Variants in BCL2L11 observed in about 807,000 individuals in gnomAD.
BCL2L11 encodes the protein BCL2 like 11, also known as bcl-2-like protein 11.
In BCL2L11, 15 loss-of-function variants were observed where a neutral mutation model predicts 20.6. That is an observed-to-expected ratio of 0.73 (90% CI 0.49 to 1.12). The LOEUF (loss-of-function observed/expected upper bound fraction) is 1.12, where lower values mean the gene tolerates loss of function less well. Among genes scored for constraint, BCL2L11 ranks in the 50% most tolerant of loss-of-function variants. The pLI, the probability that BCL2L11 is intolerant of heterozygous loss-of-function variation, is 0.00. For missense variants in BCL2L11, 292 were observed against 260.9 expected, an observed-to-expected ratio of 1.12 and a Z score of -0.82; for synonymous variants, 108 against 92.8, an observed-to-expected ratio of 1.16 and a Z score of -0.94.
At chr2:111,121,780 G>A (rs528406346) in intron 1 of BCL2L11, among the ~76,000 whole-genome samples, 9 of 152,236 alleles carry the variant, frequency 5.9e-5, no homozygotes, top group Non-Finnish European at 1.3e-4. Flanking sequence ...TGGGGCCCCT[G>A]CTTGCTCTGC....
intron 3 of BCL2L11, chr2:111,161,321 GT>G (rs2078518670): frequency 7.0e-7 from 1 of 1,429,760 alleles, no homozygotes; most frequent in East Asian, 2.5e-5. Context: ...TATTTTAATA[GT>G]TTTTTAAAAA....
At chr2:111,137,687 G>A (rs2075146366) in intron 2 of BCL2L11, among the ~76,000 whole-genome samples, 1 of 151,068 alleles carries the variant, frequency 6.6e-6, no homozygotes. Context: ...TATGCAAGGG[G>A]GTTCATCACA....
At chr2:111,142,389 A>G in intron 2 of BCL2L11, 1 of 1,550,114 alleles carries the variant, frequency 6.5e-7, no homozygotes. Context: ...TAGCAAAATC[A>G]AGGTGAAAAG....
intron 2 of BCL2L11, among the ~76,000 whole-genome samples, chr2:111,147,923 C>G (rs1230678935): frequency 8.5e-5 from 13 of 152,150 alleles, no homozygotes; most frequent in Non-Finnish European, 1.0e-4. Context: ...AGGGCATGGC[C>G]TCCTTTGTTG....
intron 2 of BCL2L11, among the ~76,000 whole-genome samples, chr2:111,129,519 C>T (rs1275781581): frequency 6.6e-6 from 1 of 152,170 alleles, no homozygotes; most frequent in Non-Finnish European, 1.5e-5. Context: ...GCCATTCACC[C>T]AGTTTCCTAC....
intron 3 of BCL2L11, chr2:111,161,646 AC>A: frequency 1.5e-6 from 2 of 1,333,452 alleles, no homozygotes; most frequent in Non-Finnish European, 2.0e-6. Flanking sequence ...CTTGCCTTTA[AC>A]TGGCAACTCC....
rs1455048584 is a variant in BCL2L11 at position 111,121,043 on chromosome 2, C to A, written c.-159C>A. On this transcript the variant is annotated 5_prime_UTR_variant, in exon 1 of 4. Transcript: ENST00000393256. ...CGCCACTACCACCACTTGATTCTTG[C>A]AGCCACCCTGCGAACCCTGCCACAC... is the stretch of plus-strand genomic sequence containing the variant. 1 of 374,568 alleles carries A rather than the reference C, an allele frequency of 2.7e-6. No homozygotes were observed. Among genetic ancestry groups the A allele is most frequent in the Non-Finnish European group, 4.8e-6 (1 of 210,234 alleles). 23.2% of individuals were successfully genotyped at this position (374,568 alleles called of 1,614,324 possible). A position where few individuals can be genotyped will look rare whatever the true frequency, so the allele number is the denominator to read the frequency against.
At chr2:111,145,822 A>C (rs1191482289) in intron 2 of BCL2L11, 1 of 253,228 alleles carries the variant, frequency 3.9e-6, no homozygotes, top group East Asian at 1.8e-4. Context: ...GCTTCAAAAA[A>C]TGATTTCTAA....
At chr2:111,131,267 T>C (rs1033912089) in intron 2 of BCL2L11, 6 of 151,148 alleles carry the variant, frequency 4.0e-5, no homozygotes, top group Non-Finnish European at 7.4e-5. Flanking sequence ...ATTTAGATTA[T>C]AGATTTTTTT....
chr2:111,122,677 G>C (rs2071371668), intron 1 of BCL2L11: 1 of 982,878 alleles, frequency 1.0e-6, no homozygotes. Context: ...GCTGCGGCCG[G>C]GGCAGCGCGG....
intron 3 of BCL2L11, chr2:111,151,981 G>C: frequency 8.5e-7 from 1 of 1,182,232 alleles, no homozygotes; most frequent in Admixed American, 2.0e-5. Flanking sequence ...TTACCTAAAG[G>C]GATTTTGGTG....
chr2:111,144,349 C>A, intron 2 of BCL2L11: 1 of 907,298 alleles, frequency 1.1e-6, no homozygotes, highest in Non-Finnish European at 1.7e-6. Flanking sequence ...AGAAATAGAC[C>A]TGGAGGGAGG....
At chr2:111,127,419 CTT>C (rs774187139) in intron 2 of BCL2L11, among the ~76,000 whole-genome samples, 7 of 125,062 alleles carry the variant, frequency 5.6e-5, no homozygotes, top group Non-Finnish European at 8.5e-5. Context: ...TAATGGCTTT[CTT>C]TTTTTTTTTT....
chr2:111,154,593 A>G (rs919192890), intron 3 of BCL2L11, among the ~76,000 whole-genome samples: 1 of 152,062 alleles, frequency 6.6e-6, no homozygotes, highest in South Asian at 2.1e-4. Context: ...TGATGGGAGC[A>G]CTCCAGAGGT....
At chr2:111,162,236 G>C (rs542941702) in intron 3 of BCL2L11, among the ~76,000 whole-genome samples, 11 of 152,248 alleles carry the variant, frequency 7.2e-5, no homozygotes, top group African/African-American at 2.6e-4. Flanking sequence ...GTTGAATGTC[G>C]TCCAAAAGCA....
chr2:111,161,367 TA>T, intron 3 of BCL2L11: 1 of 1,543,396 alleles, frequency 6.5e-7, no homozygotes. Context: ...CTGTCTTTTT[TA>T]TATTACCCAG....
chr2:111,128,713 C>G, intron 2 of BCL2L11: 1 of 1,550,242 alleles, frequency 6.5e-7, no homozygotes, highest in East Asian at 2.4e-5. Context: ...CCACCATAGT[C>G]AAGATACAGA....
At chr2:111,142,105 A>G (rs2075921307) in intron 2 of BCL2L11, among the ~76,000 whole-genome samples, 1 of 152,182 alleles carries the variant, frequency 6.6e-6, no homozygotes, top group Admixed American at 6.5e-5. Flanking sequence ...GGCATCAGGG[A>G]GGAGGAGGAA....
intron 2 of BCL2L11, among the ~76,000 whole-genome samples, chr2:111,134,512 G>A (rs548243587): frequency 8.5e-4 from 130 of 152,242 alleles, no homozygotes; most frequent in Non-Finnish European, 1.6e-3. Flanking sequence ...TGTACATTGA[G>A]CACTGAATGA....
Sources: allele counts gnomAD v4.1 joint callset (sites outside exome capture counted in the v4.1 genomes callset), GRCh38; gene constraint gnomAD v4.1.1; transcripts MANE v1.5; gene names NCBI Gene and HGNC (gene_info 2026-07-23, HGNC 2026-07-21).